The following CHMP7 variants were observed in gnomAD, a reference collection of about 807,000 sequenced individuals.
CHMP7 encodes charged multivesicular body protein 7.
In CHMP7, 15 loss-of-function variants were observed where a neutral mutation model predicts 53.7. The ratio of observed to expected loss-of-function variants is 0.28; its 90% CI spans 0.19 to 0.43. CHMP7 has a LOEUF of 0.43. Among genes scored for constraint, CHMP7 ranks in the 20% least tolerant of loss-of-function variants. CHMP7 has a pLI of 1.00. For synonymous variants in CHMP7, 261 were observed against 228.0 expected (o/e 1.14, Z -1.30); for missense variants, 527 against 569.4 (o/e 0.93, Z 0.76).
chr8:23,244,771 A>G (rs1433507619), intron 1 of CHMP7, among the ~76,000 whole-genome samples: 1 of 152,244 alleles, frequency 6.6e-6, no homozygotes, highest in Admixed American at 6.5e-5. Context: ...GTCCATGAAT[A>G]TAAAATGCCT....
chr8:23,244,117 AGT>A (rs1406165172), intron 1 of CHMP7, among the ~76,000 whole-genome samples: 1 of 151,948 alleles, frequency 6.6e-6, no homozygotes, highest in Non-Finnish European at 1.5e-5. Flanking sequence ...TTCTCTTCAC[AGT>A]GTCTTTCAGA....
chr8:23,249,126 C>T, intron 2 of CHMP7, 84 bp from the exon 3 acceptor site: 1 of 1,222,842 alleles, frequency 8.2e-7, no homozygotes, highest in East Asian at 2.5e-5. Context: ...TAAAATTCCT[C>T]TTTTAGGGTA....
intron 7 of CHMP7, 126 bp downstream of exon 7, chr8:23,258,575 C>T (rs941926514): frequency 7.1e-7 from 1 of 1,409,326 alleles, no homozygotes; most frequent in African/African-American, 1.4e-5. Flanking sequence ...TTGCCTTTGC[C>T]TTTCCAGTCA....
intron 9 of CHMP7, among the ~76,000 whole-genome samples, chr8:23,259,427 C>T (rs1321929924): frequency 1.3e-5 from 2 of 151,124 alleles, no homozygotes; most frequent in African/African-American, 4.9e-5. Flanking sequence ...GTGACGCATT[C>T]TCGGCTCGCT....
At chr8:23,250,658 GTGTGTGT>G (rs1021588332) in intron 3 of CHMP7, among the ~76,000 whole-genome samples, 1 of 111,674 alleles carries the variant, frequency 9.0e-6, no homozygotes, top group African/African-American at 3.2e-5. Flanking sequence ...GTGTGTGTGT[GTGTGTGT>G]TGACTGAGCA....
At position 23,243,789 on chromosome 8, in the gene CHMP7, G is replaced by A; in HGVS notation, c.-496G>A. ...AATGAATGAGAGTTCCTGTTGCTCT[G>A]CATCCTCACCAGCATTTGGTGTGGT... On this transcript the variant is annotated 5_prime_UTR_variant, in exon 1 of 11. Transcript: ENST00000397677. The A allele has an allele frequency of 6.4e-6, 1 of 157,176 alleles. No individual in the cohort carries two copies. Among genetic ancestry groups the A allele is most frequent in the Non-Finnish European group, 1.4e-5 (1 of 71,868 alleles). 9.7% of individuals were successfully genotyped at this position (157,176 alleles called of 1,614,324 possible).
At position 23,246,589 on chromosome 8, in the gene CHMP7, TG is replaced by T. The variant is rs1284891460; in HGVS notation, c.-106del. On this transcript the variant is annotated 5_prime_UTR_variant, in exon 2 of 11. The change abolishes the stop of an existing upstream ORF in the 5' untranslated region. Transcript: ENST00000397677. Reference sequence around the variant, plus strand: ...TTTCACGCTCAGGGCGGCGGTGACGTGTGAACGAGAAGGAGGTGGTCAAGGA... The same window carrying T: ...TTTCACGCTCAGGGCGGCGGTGACGTTGAACGAGAAGGAGGTGGTCAAGGA... 84 of 905,240 alleles carry T rather than the reference TG, an allele frequency of 9.3e-5. 2 individuals carry two copies. In the East Asian group the frequency reaches 1.7e-3, roughly 19 times the overall value. 56.1% of individuals were successfully genotyped at this position (905,240 alleles called of 1,614,324 possible). A position where few individuals can be genotyped will look rare whatever the true frequency, so the allele number is the denominator to read the frequency against.
chr8:23,258,763 C>T lies in CHMP7; in HGVS notation c.992C>T (p.Ala331Val), dbSNP rs1472970358. The change falls in exon 8 of 11, where the codon GCA becomes GTA. Residue 331 changes from alanine to valine, a missense_variant. Ala to Val is a moderately conservative substitution (Grantham distance 64). Transcript: ENST00000397677. ...AACGCCTACCAGGCTGGGGTAGGAG[C>T]ACTCAAACTCTCCATGAAGGATGTC... ...VFNAYQAGVGALKLSMKDVTV... is the reference protein window; with the variant it reads ...VFNAYQAGVGVLKLSMKDVTV... The T allele has an allele frequency of 3.7e-6, 6 of 1,613,286 alleles. No individual in the cohort carries two copies. Among genetic ancestry groups the T allele is most frequent in the Non-Finnish European group, 5.1e-6 (6 of 1,179,522 alleles).
chr8:23,250,032 A>T (rs1043220520), intron 3 of CHMP7, among the ~76,000 whole-genome samples: 1 of 152,206 alleles, frequency 6.6e-6, no homozygotes. Flanking sequence ...TCGATCAGCC[A>T]CATGGGGTTT....
At chr8:23,244,957 T>C (rs540244636) in intron 1 of CHMP7, among the ~76,000 whole-genome samples, 51 of 152,332 alleles carry the variant, frequency 3.3e-4, no homozygotes, top group African/African-American at 1.2e-3. Flanking sequence ...TATATGGGAA[T>C]TGACTTTTAT....
chr8:23,248,234 T>G (rs1801788163), intron 2 of CHMP7: 2 of 455,916 alleles, frequency 4.4e-6, no homozygotes, highest in African/African-American at 2.0e-5. Flanking sequence ...GCCTCCTTAC[T>G]GTATTGGAAG....
chr8:23,245,343 G>T (rs916013890), intron 1 of CHMP7, among the ~76,000 whole-genome samples: 3 of 152,184 alleles, frequency 2.0e-5, no homozygotes, highest in Non-Finnish European at 4.4e-5. Context: ...TCATGAGCTG[G>T]TGTTGGATTT....
At chr8:23,254,505 C>T (rs1458477714) in intron 3 of CHMP7, among the ~76,000 whole-genome samples, 1 of 152,060 alleles carries the variant, frequency 6.6e-6, no homozygotes, top group Non-Finnish European at 1.5e-5. Context: ...AGTGATTCTC[C>T]TGCCTCAACC....
rs1403385971 is a variant in CHMP7, at chr8:23,258,602, TGGGTATA to T, written c.961-124_961-118del. On this transcript the variant is annotated intron_variant, in intron 7 of 10. Transcript: ENST00000397677. Reference sequence around the variant, plus strand: ...TTCCAGTCAGGAGGTTTGGCCTCGGTGGGTATAGGGTAAATTGAGCTTGGGTGCCAAA... The same window carrying T: ...TTCCAGTCAGGAGGTTTGGCCTCGGTGGGTAAATTGAGCTTGGGTGCCAAA... 3 of 1,222,878 alleles carry T rather than the reference TGGGTATA, an allele frequency of 2.5e-6. No individual in the cohort carries two copies. In the African/African-American group the frequency reaches 4.5e-5, roughly 18 times the overall value. 75.8% of individuals were successfully genotyped at this position (1,222,878 alleles called of 1,614,324 possible). A position where few individuals can be genotyped will look rare whatever the true frequency, so the allele number is the denominator to read the frequency against.
chr8:23,249,588 C>T (rs1398950755), intron 3 of CHMP7, among the ~76,000 whole-genome samples: 1 of 152,116 alleles, frequency 6.6e-6, no homozygotes, highest in African/African-American at 2.4e-5. Context: ...GCCTTTGTGT[C>T]GGAATTTTCA....
intron 3 of CHMP7, among the ~76,000 whole-genome samples, chr8:23,252,195 CTTTT>C (rs373288680): frequency 5.7e-5 from 6 of 105,308 alleles, no homozygotes; most frequent in Non-Finnish European, 1.0e-4. Flanking sequence ...ATTGTGTTAT[CTTTT>C]TTTTTTTTTT....
In CHMP7 at chr8:23,246,752, T is replaced by C. The variant is rs781718333; in HGVS notation, c.57T>C (p.Leu19=). Residue 19 remains leucine, a synonymous_variant, in exon 2 of 11, where the codon CTT becomes CTC. Coordinates refer to ENST00000397677, the MANE Select transcript of CHMP7 (RefSeq NM_152272.5). Reference sequence around the variant, plus strand: ...CAGCCGGGGGAGACCCGGCGGGCCTTCTGCCCCCCGAGTGGGAGGAGGACG... The same window carrying C: ...CAGCCGGGGGAGACCCGGCGGGCCTCCTGCCCCCCGAGTGGGAGGAGGACG... The part of the protein sequence containing the change: ...EAPAGGDPAG[L]LPPEWEEDEE... 3.9e-5 allele frequency: 61 copies of C among 1,554,548 alleles called. No homozygotes were observed. The highest frequency in any genetic ancestry group is 5.8e-5 in the Admixed American group (3 of 51,326).
intron 1 of CHMP7, among the ~76,000 whole-genome samples, chr8:23,244,221 C>G (rs149959757): frequency 3.0e-4 from 45 of 152,218 alleles, no homozygotes; most frequent in African/African-American, 1.1e-3. Flanking sequence ...AAAAAGTAAT[C>G]ATGATGCCCA....
chr8:23,243,978 GT>G (rs1801605873), intron 1 of CHMP7, 134 bp downstream of exon 1: 1 of 149,478 alleles, frequency 6.7e-6, no homozygotes, highest in Non-Finnish European at 1.5e-5. Flanking sequence ...TTTTATCCAT[GT>G]TTTAACTGGG....
Sources: allele counts gnomAD v4.1 joint callset (sites outside exome capture counted in the v4.1 genomes callset), GRCh38; gene constraint gnomAD v4.1.1; transcripts MANE v1.5; gene names NCBI Gene and HGNC (gene_info 2026-07-23, HGNC 2026-07-21).